PAQR3: variants seen among roughly 807,000 people sequenced by gnomAD.
PAQR3 encodes the protein progestin and adipoQ receptor family member 3.
A neutral mutation model predicts 41.7 loss-of-function variants in PAQR3; 39 were observed. The ratio of observed to expected loss-of-function variants is 0.93; its 90% confidence interval spans 0.72 to 1.22. The LOEUF (loss-of-function observed/expected upper bound fraction) is 1.22, where lower values mean the gene tolerates loss of function less well. Among genes scored for constraint, PAQR3 ranks in the 50% most tolerant of loss-of-function variants. The pLI is 0.00. For missense variants in PAQR3, 366 were observed against 385.6 expected, an observed-to-expected ratio of 0.95 and a Z score of 0.42; for synonymous variants, 140 against 140.6, an observed-to-expected ratio of 1.00 and a Z score of 0.03.
chr4:78,899,657 T>A (rs2110092411), intron 11 of PAQR3, among the ~76,000 whole-genome samples: 1 of 138,592 alleles, frequency 7.2e-6, no homozygotes, highest in African/African-American at 3.1e-5. Context: ...AAGAAAGAAT[T>A]TTTTTTTTTT....
chr4:78,925,095 G>A (rs927760569), intron 4 of PAQR3, among the ~76,000 whole-genome samples: 8 of 151,872 alleles, frequency 5.3e-5, no homozygotes, highest in South Asian at 2.1e-4. Context: ...CTTCCTCACC[G>A]GAATGATCTG....
Position 78,939,340 on chromosome 4 carries a change from C to T in PAQR3, c.-116G>A. The T allele has an allele frequency of 1.1e-6, 1 of 938,544 alleles. No homozygotes were observed. The highest frequency in any genetic ancestry group is 1.5e-6 in the Non-Finnish European group (1 of 689,546). The allele number at this position is 938,544 out of a possible 1,614,324, so 58.1% of individuals were successfully genotyped here. ...GGAGCCCGCGGACGCTGCGCGAGGT[C>T]CTACCGCGCTGCCGCTGCTGCCCAG... On this transcript the variant is annotated 5_prime_UTR_variant, in exon 1 of 6. Coordinates refer to ENST00000512733, the MANE Select transcript of PAQR3 (RefSeq NM_001040202.2).
At chr4:78,891,506 A>G (rs1286466191) in intron 11 of PAQR3, among the ~76,000 whole-genome samples, 1 of 152,062 alleles carries the variant, frequency 6.6e-6, no homozygotes, top group Non-Finnish European at 1.5e-5. Context: ...TCCTCTTACT[A>G]GGATATTGTG....
At position 78,916,290 on chromosome 4, in the gene PAQR3, C is replaced by T. The variant is rs973373390; in HGVS notation, c.*4249G>A. 1 of 151,906 alleles carries T rather than the reference C, an allele frequency of 6.6e-6. No individual in the cohort carries two copies. Among genetic ancestry groups the T allele is most frequent in the Non-Finnish European group, 1.5e-5 (1 of 67,832 alleles). The allele number at this position is 151,906 out of a possible 1,614,324, so 9.4% of individuals were successfully genotyped here. ...TTTGAAATTTAAAGTTATTTTCTTA[C>T]TGTATTTATCATACCTGTTTTAATC... On this transcript the variant is annotated 3_prime_UTR_variant, in exon 6 of 6. Transcript: ENST00000512733.
Position 78,920,498 on chromosome 4 carries a change from T to C in PAQR3, c.*41A>G. On this transcript the variant is annotated 3_prime_UTR_variant, in exon 6 of 6. Transcript: ENST00000512733. The stretch of plus-strand genomic sequence containing the variant: ...GTGGGGTATACAATTCCCCATTATA[T>C]ATTGCTTAACAACTGAATTCACCAG... 1.3e-6 allele frequency: 2 copies of C among 1,588,532 alleles called. No homozygotes were observed. Among genetic ancestry groups the C allele is most frequent in the South Asian group, 1.2e-5 (1 of 86,702 alleles).
chr4:78,919,544 T>C lies in PAQR3; in HGVS notation c.*995A>G, dbSNP rs1351827534. ...AGGACCAGAGCACAGGTGAATAAGA[T>C]TATTATCAAATGGGGCATCTGCATG... On this transcript the variant is annotated 3_prime_UTR_variant, in exon 6 of 6. Coordinates refer to ENST00000512733, the MANE Select transcript of PAQR3 (RefSeq NM_001040202.2). 2.0e-6 allele frequency: 2 copies of C among 985,020 alleles called. No homozygotes were observed. Among genetic ancestry groups the C allele is most frequent in the Admixed American group, 6.2e-5 (1 of 16,180 alleles). The allele number at this position is 985,020 out of a possible 1,614,324, so 61.0% of individuals were successfully genotyped here.
chr4:78,903,079 A>C (rs17003488), intron 11 of PAQR3, among the ~76,000 whole-genome samples: 10,481 of 152,010 alleles, frequency 0.069, 499 homozygotes, highest in East Asian at 0.22. Context: ...ATGATGTCTG[A>C]AATTTTCCCA....
downstream of PAQR3, chr4:78,911,128 G>T: frequency 6.2e-7 from 1 of 1,613,966 alleles, no homozygotes; most frequent in Non-Finnish European, 8.5e-7. Context: ...ATTTGGCGCT[G>T]TCCCCTTCTT....
In PAQR3 at chr4:78,917,570, CAG is replaced by C. The variant is rs1735202940; in HGVS notation, c.*2967_*2968del. 1 of 152,782 alleles carries C rather than the reference CAG, an allele frequency of 6.5e-6. No individual in the cohort carries two copies. Among genetic ancestry groups the C allele is most frequent in the Admixed American group, 6.6e-5 (1 of 15,228 alleles). The allele number at this position is 152,782 out of a possible 1,614,324, so 9.5% of individuals were successfully genotyped here. A position where few individuals can be genotyped will look rare whatever the true frequency, so the allele number is the denominator to read the frequency against. ...AACACAGTTATTGTGATAATGCACA[CAG>C]AAGGTATTTCTACCCCTTCTCTAAT... is the stretch of plus-strand genomic sequence containing the variant. On this transcript the variant is annotated 3_prime_UTR_variant, in exon 6 of 6. Coordinates refer to ENST00000512733, the MANE Select transcript of PAQR3 (RefSeq NM_001040202.2).
At chr4:78,938,773 A>C (rs1466474463) in intron 1 of PAQR3, among the ~76,000 whole-genome samples, 5 of 151,964 alleles carry the variant, frequency 3.3e-5, no homozygotes, top group Non-Finnish European at 7.4e-5. Context: ...CGAATAAAGG[A>C]TGTAAAAGCC....
chr4:78,924,856 A>G (rs1215660510), intron 4 of PAQR3, among the ~76,000 whole-genome samples: 2 of 152,094 alleles, frequency 1.3e-5, no homozygotes, highest in Non-Finnish European at 2.9e-5. Flanking sequence ...AATAAAATGT[A>G]AAGACAAATT....
chr4:78,918,370 C>T lies in PAQR3; in HGVS notation c.*2169G>A, dbSNP rs763157528. ...AATTTTACCAGTAGTGCTGTGCACA[C>T]AGTAGGTGGTCATTAAATGCTGACT... On this transcript the variant is annotated 3_prime_UTR_variant, in exon 6 of 6. Transcript: ENST00000512733. 2.0e-4 allele frequency: 199 copies of T among 978,636 alleles called. No individual in the cohort carries two copies. The highest frequency in any genetic ancestry group is 5.3e-4 in the Middle Eastern group (1 of 1,898). 60.6% of individuals were successfully genotyped at this position (978,636 alleles called of 1,614,324 possible).
chr4:78,899,182 A>G (rs1487938957), intron 11 of PAQR3: 1 of 152,220 alleles, frequency 6.6e-6, no homozygotes, highest in Non-Finnish European at 1.5e-5. Context: ...AAAAGACTCC[A>G]TGCTTGAAAT....
At chr4:78,901,260 T>A (rs1275058270) in intron 11 of PAQR3, among the ~76,000 whole-genome samples, 1 of 148,712 alleles carries the variant, frequency 6.7e-6, no homozygotes, top group East Asian at 2.0e-4. Context: ...TAGGTCTTAC[T>A]ATGTTGCCTA....
chr4:78,922,676 G>A (rs959631023), intron 5 of PAQR3, among the ~76,000 whole-genome samples: 2 of 151,790 alleles, frequency 1.3e-5, no homozygotes, highest in African/African-American at 4.8e-5. Flanking sequence ...TAGAAACTTG[G>A]TTACATGATA....
Position 78,926,563 on chromosome 4 carries a change from G to T in PAQR3, c.660C>A (p.His220Gln). The T allele has an allele frequency of 1.2e-6, 2 of 1,613,780 alleles. No homozygotes were observed. Among genetic ancestry groups the T allele is most frequent in the Non-Finnish European group, 1.7e-6 (2 of 1,179,868 alleles). ...CAATTCCTCCATTGAGCCAAACCCA[G>T]TGAAGAGTAGGAATCACTCCATATC... Reference protein sequence around the residue: ...VSGYGVIPTLHWVWLNGGIGA... With the variant: ...VSGYGVIPTLQWVWLNGGIGA... Residue 220 changes from histidine to glutamine, a missense_variant, in exon 4 of 6, where the codon CAC becomes CAA. His to Gln is a conservative substitution (Grantham distance 24). Coordinates refer to ENST00000512733, the MANE Select transcript of PAQR3 (RefSeq NM_001040202.2).
chr4:78,911,618 T>C (rs756584259), downstream of PAQR3: 3 of 1,613,828 alleles, frequency 1.9e-6, no homozygotes, highest in Non-Finnish European at 1.7e-6. Context: ...CACAAAAAAG[T>C]GGGCCGCCGA....
chr4:78,939,027 A>C lies in PAQR3; in HGVS notation c.185+13T>G, dbSNP rs774637536. ...AGAAGGGGGCACTCCAGGCGGAGGC[A>C]GCCAGACCGTACCTTTTGATACACA... is the stretch of plus-strand genomic sequence containing the variant. On this transcript the variant is annotated intron_variant, in intron 1 of 5. Coordinates refer to ENST00000512733, the MANE Select transcript of PAQR3 (RefSeq NM_001040202.2). The C allele has an allele frequency of 3.9e-4, 624 of 1,585,684 alleles. No homozygotes were observed. Among genetic ancestry groups the C allele is most frequent in the Non-Finnish European group, 5.1e-4 (593 of 1,159,852 alleles).
intron 11 of PAQR3, among the ~76,000 whole-genome samples, chr4:78,899,590 TAAGAA>T (rs1733890898): frequency 1.3e-5 from 2 of 149,930 alleles, no homozygotes; most frequent in Non-Finnish European, 1.5e-5. Flanking sequence ...ACAAAGGAGA[TAAGAA>T]AAGGGATAGA....
Sources: allele counts gnomAD v4.1 joint callset (sites outside exome capture counted in the v4.1 genomes callset), GRCh38; gene constraint gnomAD v4.1.1; transcripts MANE v1.5; gene names NCBI Gene and HGNC (gene_info 2026-07-23, HGNC 2026-07-21).